The following C3orf20 variants were observed in gnomAD, a reference collection of about 807,000 sequenced individuals.
C3orf20 encodes the protein uncharacterized protein C3orf20.
In C3orf20, 76 loss-of-function variants were observed where a neutral mutation model predicts 88.3. The ratio of observed to expected loss-of-function variants is 0.86; its 90% confidence interval spans 0.72 to 1.04. The LOEUF is 1.04. Ranked by LOEUF, C3orf20 falls within the 50% of genes least tolerant of loss-of-function variation. The pLI, the probability that C3orf20 is intolerant of heterozygous loss-of-function variation, is 0.00. For missense variants in C3orf20, 1,056 were observed against 1,123.3 expected, an observed-to-expected ratio of 0.94 and a Z score of 0.86; for synonymous variants, 436 against 437.4, an observed-to-expected ratio of 1.00 and a Z score of 0.04.
At chr3:14,756,481 TTAAAAG>T (rs1385738660) in intron 12 of C3orf20, among the ~76,000 whole-genome samples, 1 of 151,968 alleles carries the variant, frequency 6.6e-6, no homozygotes, top group Non-Finnish European at 1.5e-5. Context: ...ATAATAAAAT[TTAAAAG>T]TAAAAGATAT....
chr3:14,763,438 C>T (rs1424051757), intron 15 of C3orf20, among the ~76,000 whole-genome samples: 1 of 152,036 alleles, frequency 6.6e-6, no homozygotes, highest in African/African-American at 2.4e-5. Flanking sequence ...GGGCACCAAT[C>T]CCATTCATGA....
At chr3:14,744,568 T>C (rs2035005799) in intron 12 of C3orf20, among the ~76,000 whole-genome samples, 2 of 152,000 alleles carry the variant, frequency 1.3e-5, no homozygotes, top group South Asian at 4.1e-4. Flanking sequence ...ACCAATTTAC[T>C]GTATTAGTTC....
intron 7 of C3orf20, 124 bp from the exon 8 acceptor site, chr3:14,713,883 G>A: frequency 9.9e-7 from 1 of 1,005,896 alleles, no homozygotes; most frequent in Non-Finnish European, 1.5e-6. Flanking sequence ...CAAGGAGGGT[G>A]TTTGAAGATG....
In C3orf20 at chr3:14,730,286, G is replaced by A. The variant is rs762738950; in HGVS notation, c.1940+1598G>A. ...TTTTAGGCCGGGTGCGGTGGCCCACGCCTGTAATCCCAGCACTTTGGGAGG... is the reference window on the plus strand; with the variant it reads ...TTTTAGGCCGGGTGCGGTGGCCCACACCTGTAATCCCAGCACTTTGGGAGG... On this transcript the variant is annotated intron_variant, in intron 12 of 16. Coordinates refer to ENST00000253697, the MANE Select transcript of C3orf20 (RefSeq NM_032137.5). Among the ~76,000 whole-genome samples, 15 of 152,198 alleles carry A rather than the reference G, an allele frequency of 9.9e-5. No individual in the cohort carries two copies. The South Asian group carries it at 1.7e-3, about 17-fold the overall frequency.
rs1170824373 is a variant in C3orf20, at chr3:14,690,085, C to G, written c.714C>G (p.Leu238=). 6.2e-7 allele frequency: 1 copy of G among 1,614,094 alleles called. No homozygotes were observed. The change falls in exon 5 of 17, where the codon CTC becomes CTG. Residue 238 remains leucine (L), a synonymous_variant. Coordinates refer to ENST00000253697, the MANE Select transcript of C3orf20 (RefSeq NM_032137.5). The part of the protein sequence containing the change: ...HSSTACLSFS[L]SAGKEAKKKI... ...CCACAGCCTGTCTGAGCTTTTCTCT[C>G]TCTGCTGGAAAAGAAGCCAAGAAGA... is the stretch of plus-strand genomic sequence containing the variant.
At chr3:14,734,236 A>G (rs896872824) in intron 12 of C3orf20, among the ~76,000 whole-genome samples, 4 of 152,054 alleles carry the variant, frequency 2.6e-5, no homozygotes, top group South Asian at 2.1e-4. Context: ...CCTTCTGTCT[A>G]CTTTCTTTGG....
intron 7 of C3orf20, among the ~76,000 whole-genome samples, chr3:14,713,460 C>T (rs1419176493): frequency 6.6e-6 from 1 of 152,174 alleles, no homozygotes; most frequent in Non-Finnish European, 1.5e-5. Context: ...TAGTCAGGAC[C>T]AGGGCTTCTT....
chr3:14,688,613 C>T (rs1215973204), intron 4 of C3orf20, among the ~76,000 whole-genome samples: 1 of 151,902 alleles, frequency 6.6e-6, no homozygotes, highest in African/African-American at 2.4e-5. Flanking sequence ...GTAGTCTTCC[C>T]TCCTGTCCTG....
At chr3:14,676,114 G>T (rs868521933) in intron 1 of C3orf20, among the ~76,000 whole-genome samples, 2 of 108,440 alleles carry the variant, frequency 1.8e-5, no homozygotes, top group South Asian at 2.8e-4. Context: ...CCTCCCCCCC[G>T]CCTTTTTTTT....
chr3:14,716,320 G>A (rs972881439), intron 9 of C3orf20, among the ~76,000 whole-genome samples: 2 of 152,214 alleles, frequency 1.3e-5, no homozygotes, highest in African/African-American at 4.8e-5. Context: ...CTGTGAGAGA[G>A]GGGCAAGTGT....
chr3:14,761,540 A>G lies in C3orf20; in HGVS notation c.2420A>G (p.Asn807Ser). The G allele has an allele frequency of 6.2e-7, 1 of 1,613,984 alleles. No homozygotes were observed. Among genetic ancestry groups the G allele is most frequent in the Non-Finnish European group, 8.5e-7 (1 of 1,179,912 alleles). ...AATGGATATGGCCTCAGCAAGCAGA[A>G]TCTGCTGAAACAGATCTTCCGGTCT... ...VLNGYGLSKQ[N>S]LLKQIFRSQQ... The change falls in exon 15 of 17, where the codon AAT becomes AGT. Residue 807 changes from asparagine to serine, a missense_variant. Asn to Ser is a conservative substitution (Grantham distance 46). Transcript: ENST00000253697.
chr3:14,722,640 A>G, intron 10 of C3orf20: 2 of 453,570 alleles, frequency 4.4e-6, no homozygotes, highest in Non-Finnish European at 8.9e-6. Context: ...TTTCGTTTCA[A>G]GTCTATCGTC....
At chr3:14,692,715 T>C (rs1285095243) in intron 5 of C3orf20, among the ~76,000 whole-genome samples, 1 of 152,216 alleles carries the variant, frequency 6.6e-6, no homozygotes, top group African/African-American at 2.4e-5. Flanking sequence ...TCCTTTGCTG[T>C]GCAGAAGCTT....
chr3:14,759,873 A>C lies in C3orf20; in HGVS notation c.2245-18A>C. ...ATTGGCATGGGGGTGACCAGTTCTCATATTTCTCTCCTGGTAGTGCCGGTA... is the reference window on the plus strand; with the variant it reads ...ATTGGCATGGGGGTGACCAGTTCTCCTATTTCTCTCCTGGTAGTGCCGGTA... On this transcript the variant is annotated intron_variant, in intron 13 of 16. Coordinates refer to ENST00000253697, the MANE Select transcript of C3orf20 (RefSeq NM_032137.5). 6.2e-7 allele frequency: 1 copy of C among 1,606,444 alleles called. No homozygotes were observed.
Position 14,750,965 on chromosome 3 carries a change from T to A in C3orf20, c.1941-6406T>A, listed in dbSNP as rs373309697. ...TGTTTGATGCTGTCCCACAGACATC[T>A]TAGGCTCTGTTAATTGTTCTTCATT... On this transcript the variant is annotated intron_variant, in intron 12 of 16. Transcript: ENST00000253697. Among the ~76,000 whole-genome samples the A allele has an allele frequency of 5.3e-4, 81 of 152,334 alleles. No individual in the cohort carries two copies. The South Asian group carries it at 0.016, about 31-fold the overall frequency.
intron 13 of C3orf20, among the ~76,000 whole-genome samples, chr3:14,758,178 G>A (rs780682124): frequency 3.3e-5 from 5 of 152,310 alleles, no homozygotes; most frequent in African/African-American, 9.6e-5. Flanking sequence ...CAGTGAGGCC[G>A]TGAGAGGACA....
At chr3:14,726,808 C>G in intron 10 of C3orf20, 93 bp from the exon 11 acceptor site, 2 of 1,566,150 alleles carry the variant, frequency 1.3e-6, no homozygotes, top group Non-Finnish European at 1.7e-6. Flanking sequence ...ATAGCACATC[C>G]TCTGAACCGG....
chr3:14,684,130 G>A (rs901897436), intron 3 of C3orf20, 112 bp from the exon 4 acceptor site: 8 of 1,429,906 alleles, frequency 5.6e-6, no homozygotes, highest in Non-Finnish European at 7.6e-6. Flanking sequence ...GCATACCCTA[G>A]GAATAGCGCT....
chr3:14,719,494 T>C (rs1409385068), intron 9 of C3orf20, among the ~76,000 whole-genome samples: 1 of 152,188 alleles, frequency 6.6e-6, no homozygotes, highest in Non-Finnish European at 1.5e-5. Context: ...AACAGAGAAG[T>C]TTCTGAGAGG....
Sources: allele counts gnomAD v4.1 joint callset (sites outside exome capture counted in the v4.1 genomes callset), GRCh38; gene constraint gnomAD v4.1.1; transcripts MANE v1.5; gene names NCBI Gene and HGNC (gene_info 2026-07-23, HGNC 2026-07-21).